ABCC9: variants seen among roughly 807,000 people sequenced by gnomAD.
The protein encoded by ABCC9 is ATP-binding cassette sub-family C member 9.
Under a neutral mutation model 188.3 loss-of-function variants are expected in ABCC9, and 95 were observed. The ratio of observed to expected loss-of-function variants is 0.50; its 90% CI spans 0.43 to 0.60. The LOEUF (loss-of-function observed/expected upper bound fraction) is 0.60. Among genes scored for constraint, ABCC9 ranks in the 20% least tolerant of loss-of-function variants. The pLI is 0.00. For missense variants in ABCC9, 1,102 were observed against 1,876.3 expected (o/e 0.59, Z 7.62); for synonymous variants, 659 against 652.7 (o/e 1.01, Z -0.15).
rs767726467 is a variant in ABCC9, at chr12:21,863,088, G to T, written c.2238-34C>A. ...TGAAAAAGAAAAAAAAAAACACCAG[G>T]ATTATGCAAAGGTACTGTGCGTGTA... On this transcript the variant is annotated intron_variant, in intron 19 of 39. Coordinates refer to ENST00000261200, the MANE Select transcript of ABCC9 (RefSeq NM_020297.4). 1.2e-5 allele frequency: 16 copies of T among 1,387,822 alleles called. No homozygotes were observed. The Admixed American group carries it at 2.6e-4, about 22-fold the overall frequency. The allele number at this position is 1,387,822 out of a possible 1,614,324, so 86.0% of individuals were successfully genotyped here.
intron 5 of ABCC9, among the ~76,000 whole-genome samples, chr12:21,922,746 T>C (rs1948875829): frequency 7.6e-6 from 1 of 132,174 alleles, no homozygotes; most frequent in Non-Finnish European, 1.5e-5. Flanking sequence ...AAGCTTTTTT[T>C]TTTTCTTTTT....
intron 31 of ABCC9, among the ~76,000 whole-genome samples, chr12:21,820,361 C>T (rs1204286545): frequency 4.6e-5 from 7 of 152,058 alleles, no homozygotes; most frequent in Admixed American, 4.6e-4. Context: ...CTCCTGCCAG[C>T]TGACTTCATC....
chr12:21,892,161 G>A (rs1236375307), intron 14 of ABCC9, among the ~76,000 whole-genome samples: 1 of 152,178 alleles, frequency 6.6e-6, no homozygotes, highest in Non-Finnish European at 1.5e-5. Context: ...AGAAGGGAGA[G>A]TGCTGTGCAG....
At position 21,860,979 on chromosome 12, in the gene ABCC9, C is replaced by T. The variant is rs1339117803; in HGVS notation, c.2416G>A (p.Gly806Arg). The T allele has an allele frequency of 6.2e-7, 1 of 1,612,442 alleles. No individual in the cohort carries two copies. Among genetic ancestry groups the T allele is most frequent in the Non-Finnish European group, 8.5e-7 (1 of 1,178,822 alleles). ...AACTATATATAGCTCACCCTCTCTC[C>T]AATTTCAGTTTGATCTCCAAATGGT... is the stretch of plus-strand genomic sequence containing the variant. Reference protein sequence around the residue: ...LLPFGDQTEIGERGINLSGGQ... With the variant: ...LLPFGDQTEIRERGINLSGGQ... The change falls in exon 21 of 40, where the codon GGA becomes AGA. Residue 806 changes from glycine to arginine, a missense_variant. Physicochemically the swap from Gly to Arg is moderately radical, Grantham distance 125 (BLOSUM62 -2). Transcript: ENST00000261200.
At chr12:21,890,990 A>G (rs1280308958) in intron 14 of ABCC9, among the ~76,000 whole-genome samples, 2 of 152,140 alleles carry the variant, frequency 1.3e-5, no homozygotes, top group Non-Finnish European at 1.5e-5. Context: ...ATTTAAAAAA[A>G]AAAATCTTTA....
intron 30 of ABCC9, among the ~76,000 whole-genome samples, chr12:21,829,413 G>A (rs1452574858): frequency 2.6e-5 from 4 of 151,928 alleles, no homozygotes; most frequent in South Asian, 2.1e-4. Context: ...GTGTTAGCCA[G>A]GATGGTCTCG....
intron 37 of ABCC9, among the ~76,000 whole-genome samples, 165 bp downstream of exon 37, chr12:21,809,687 T>C (rs574141727): frequency 1.3e-5 from 2 of 152,294 alleles, no homozygotes; most frequent in East Asian, 3.9e-4. Flanking sequence ...TTGTACCCCA[T>C]GCAAAAACAT....
chr12:21,879,395 A>G (rs1001023892), intron 16 of ABCC9, among the ~76,000 whole-genome samples: 9 of 152,194 alleles, frequency 5.9e-5, no homozygotes, highest in African/African-American at 1.9e-4. Flanking sequence ...GATTCCATTT[A>G]TATGAAATAT....
At chr12:21,940,631 T>G (rs186137014) in intron 2 of ABCC9, 79 bp downstream of exon 2, 11 of 152,306 alleles carry the variant, frequency 7.2e-5, no homozygotes, top group Admixed American at 5.2e-4. Flanking sequence ...TTGAAATTAC[T>G]CAGTAGGTAT....
chr12:21,854,061 G>C (rs1945105609), intron 22 of ABCC9, among the ~76,000 whole-genome samples: 1 of 152,100 alleles, frequency 6.6e-6, no homozygotes, highest in African/African-American at 2.4e-5. Context: ...CTACACACAG[G>C]CTACATGTTG....
chr12:21,813,207 T>G (rs951821288), intron 35 of ABCC9, among the ~76,000 whole-genome samples: 3 of 152,198 alleles, frequency 2.0e-5, no homozygotes, highest in African/African-American at 7.2e-5. Context: ...TTCTGTGATA[T>G]GACTATCAAG....
At chr12:21,890,825 TG>T (rs946557907) in intron 14 of ABCC9, among the ~76,000 whole-genome samples, 1 of 83,634 alleles carries the variant, frequency 1.2e-5, no homozygotes, top group African/African-American at 4.7e-5. Context: ...TGTTGTGGGG[TG>T]GGGGGATGGG....
Position 21,828,848 on chromosome 12 carries a change from G to T in ABCC9, c.3669+110C>A, listed in dbSNP as rs1001195054. On this transcript the variant is annotated intron_variant, in intron 31 of 39. Transcript: ENST00000261200. ...AGCTATTTTAAAGTCCAGAAAATGTGAAGCTAGTGCCGAATCTCAGTGGAA... is the reference window on the plus strand; with the variant it reads ...AGCTATTTTAAAGTCCAGAAAATGTTAAGCTAGTGCCGAATCTCAGTGGAA... 11 of 864,410 alleles carry T rather than the reference G, an allele frequency of 1.3e-5. No homozygotes were observed. The African/African-American group carries it at 1.8e-4, about 14-fold the overall frequency. 53.5% of individuals were successfully genotyped at this position (864,410 alleles called of 1,614,324 possible).
chr12:21,916,834 C>CA lies in ABCC9; in HGVS notation c.573+102dup, dbSNP rs530293755. Reference sequence around the variant, plus strand: ...TATATTTATATATATAAATCAAATACATGTGTTCATCCTTGTCAATACTAA... The same window carrying CA: ...TATATTTATATATATAAATCAAATACAATGTGTTCATCCTTGTCAATACTAA... On this transcript the variant is annotated intron_variant, in intron 6 of 39. Coordinates refer to ENST00000261200, the MANE Select transcript of ABCC9 (RefSeq NM_020297.4). 3.3e-5 allele frequency: 33 copies of CA among 988,534 alleles called. No individual in the cohort carries two copies. In the South Asian group the frequency reaches 7.2e-4, roughly 22 times the overall value. The allele number at this position is 988,534 out of a possible 1,614,324, so 61.2% of individuals were successfully genotyped here.
At chr12:21,815,962 C>A in intron 33 of ABCC9, 69 bp from the exon 34 acceptor site, 1 of 1,137,122 alleles carries the variant, frequency 8.8e-7, no homozygotes. Flanking sequence ...GAAATGTATA[C>A]ATACTTAAAT....
rs1944427009 is a variant in ABCC9, at chr12:21,842,229, T to A, written c.3473+85A>T. 2.0e-6 allele frequency: 3 copies of A among 1,474,388 alleles called. No individual in the cohort carries two copies. The East Asian group carries it at 7.3e-5, about 36-fold the overall frequency. 91.3% of individuals were successfully genotyped at this position (1,474,388 alleles called of 1,614,324 possible). A position where few individuals can be genotyped will look rare whatever the true frequency, so the allele number is the denominator to read the frequency against. On this transcript the variant is annotated intron_variant, in intron 29 of 39. Transcript: ENST00000261200. Reference sequence around the variant, plus strand: ...GGAATGTTTTCTTTCCAAATATTTTTGATCTGTTGTTGGCAGAACCCATGA... The same window carrying A: ...GGAATGTTTTCTTTCCAAATATTTTAGATCTGTTGTTGGCAGAACCCATGA...
At position 21,797,762 on chromosome 12, in the gene ABCC9, C is replaced by T. The variant is rs1352634952; in HGVS notation, c.*3282G>A. 1 of 152,092 alleles carries T rather than the reference C, an allele frequency of 6.6e-6. No individual in the cohort carries two copies. Among genetic ancestry groups the T allele is most frequent in the East Asian group, 1.9e-4 (1 of 5,184 alleles). The allele number at this position is 152,092 out of a possible 1,614,324, so 9.4% of individuals were successfully genotyped here. ...AGTAAGAGTACAAAAATAGATGGTGCATAATTGTTTATACAAAGTCTTTTC... is the reference window on the plus strand; with the variant it reads ...AGTAAGAGTACAAAAATAGATGGTGTATAATTGTTTATACAAAGTCTTTTC... On this transcript the variant is annotated 3_prime_UTR_variant, in exon 40 of 40. Transcript: ENST00000261200.
chr12:21,915,606 A>G (rs1353140977), intron 7 of ABCC9, 62 bp downstream of exon 7: 2 of 1,583,184 alleles, frequency 1.3e-6, no homozygotes, highest in Non-Finnish European at 1.7e-6. Context: ...TCTGCCTCCC[A>G]GGTTCATGCC....
intron 12 of ABCC9, among the ~76,000 whole-genome samples, chr12:21,897,487 G>A (rs1235426718): frequency 6.6e-6 from 1 of 152,204 alleles, no homozygotes; most frequent in Non-Finnish European, 1.5e-5. Flanking sequence ...CAGAGATGGA[G>A]TGTGCACTCA....
Sources: gnomAD v4.1 joint callset for allele counts (sites outside exome capture counted in the v4.1 genomes callset) on GRCh38, gnomAD v4.1.1 for gene constraint, MANE v1.5 for transcripts, NCBI Gene and HGNC (gene_info 2026-07-23, HGNC 2026-07-21) for gene names.